The following PRKCSH variants were observed in gnomAD, a reference collection of about 807,000 sequenced individuals.
PRKCSH encodes the protein glucosidase 2 subunit beta.
PRKCSH carries 42 observed loss-of-function variants against 79.7 expected under a neutral mutation model. The ratio of observed to expected loss-of-function variants is 0.53; its 90% confidence interval spans 0.41 to 0.68. The LOEUF is 0.68. Ranked by LOEUF, PRKCSH falls within the 30% of genes least tolerant of loss-of-function variation. The pLI is 0.00. For synonymous variants in PRKCSH, 325 were observed against 288.2 expected, an observed-to-expected ratio of 1.13 and a Z score of -1.29; for missense variants, 686 against 709.0, an observed-to-expected ratio of 0.97 and a Z score of 0.37.
Position 11,441,282 on chromosome 19 carries a change from C to T in PRKCSH, c.393C>T (p.Ala131=), listed in dbSNP as rs780423740. The change falls in exon 6 of 18, where the codon GCC becomes GCT. Residue 131 remains alanine, a synonymous_variant. Transcript: ENST00000677123. Reference sequence around the variant, plus strand: ...AGAGAGAGTCCCTGCAGCAGATGGCCGAGGTCACCCGCGAAGGGTTCCGTC... The same window carrying T: ...AGAGAGAGTCCCTGCAGCAGATGGCTGAGGTCACCCGCGAAGGGTTCCGTC... ...RKERESLQQM[A]EVTREGFRLK... 6.7e-5 allele frequency: 108 copies of T among 1,613,922 alleles called. No homozygotes were observed. Among genetic ancestry groups the T allele is most frequent in the Non-Finnish European group, 8.5e-5 (100 of 1,179,994 alleles).
At chr19:11,441,765 G>T (rs1970073713) in intron 6 of PRKCSH, among the ~76,000 whole-genome samples, 2 of 152,172 alleles carry the variant, frequency 1.3e-5, no homozygotes, top group South Asian at 4.1e-4. Context: ...CATAGGGTGG[G>T]TGCTTTGGGG....
At chr19:11,446,677 C>T (rs12980244) in intron 9 of PRKCSH, among the ~76,000 whole-genome samples, 1 of 151,598 alleles carries the variant, frequency 6.6e-6, no homozygotes, top group Non-Finnish European at 1.5e-5. Flanking sequence ...TATCCTCCTC[C>T]TTCCCCGTGG....
Position 11,448,877 on chromosome 19 carries a change from C to G in PRKCSH, c.1287-37C>G. On this transcript the variant is annotated intron_variant, in intron 14 of 17. Coordinates refer to ENST00000677123, the MANE Select transcript of PRKCSH (RefSeq NM_001289104.2). This position sits in a 1 kb window ranked among gnomAD's most constrained non-coding sequence, Gnocchi z 4.4. ...TGGCTGTGGGAGGAGGCTGGAATCC[C>G]TGCGTTCCCCAACCCATATGTCCCG... 1 of 1,612,680 alleles carries G rather than the reference C, an allele frequency of 6.2e-7. No individual in the cohort carries two copies. Among genetic ancestry groups the G allele is most frequent in the Non-Finnish European group, 8.5e-7 (1 of 1,178,822 alleles).
Position 11,445,374 on chromosome 19 carries a change from G to A in PRKCSH, c.599-15G>A, listed in dbSNP as rs375031151. On this transcript the variant is annotated splice_polypyrimidine_tract_variant and intron_variant, in intron 7 of 17. Transcript: ENST00000677123. ...GGTGGGTGGGCAGGGGGTGACAGAGGTGGCTTCTTTACAGAGCAGCTGGCT... is the reference window on the plus strand; with the variant it reads ...GGTGGGTGGGCAGGGGGTGACAGAGATGGCTTCTTTACAGAGCAGCTGGCT... 1.9e-6 allele frequency: 3 copies of A among 1,613,008 alleles called. No individual in the cohort carries two copies. Among genetic ancestry groups the A allele is most frequent in the East Asian group, 4.5e-5 (2 of 44,898 alleles).
chr19:11,446,428 C>G, intron 9 of PRKCSH, 78 bp downstream of exon 9: 1 of 1,493,498 alleles, frequency 6.7e-7, no homozygotes, highest in Admixed American at 1.9e-5. Flanking sequence ...GGAGGGGGAC[C>G]AAGGAAAGCT....
chr19:11,446,854 C>T (rs1419200467), intron 9 of PRKCSH, among the ~76,000 whole-genome samples: 1 of 152,088 alleles, frequency 6.6e-6, no homozygotes, highest in Non-Finnish European at 1.5e-5. Context: ...CTTTCTGTCT[C>T]AGTGCCCCCA....
At position 11,449,650 on chromosome 19, in the gene PRKCSH, G is replaced by A; in HGVS notation, c.*16+222G>A. On this transcript the variant is annotated intron_variant, in intron 17 of 17. Coordinates refer to ENST00000677123, the MANE Select transcript of PRKCSH (RefSeq NM_001289104.2). This position sits in a 1 kb window ranked among gnomAD's most constrained non-coding sequence, Gnocchi z 6.4. ...CTCTACCTCCCGGGTTCAAACAATT[G>A]TCTTGTCTCAGCCTCCCAAGTAGCT... 1.7e-6 allele frequency: 1 copy of A among 592,940 alleles called. No homozygotes were observed. The highest frequency in any genetic ancestry group is 2.9e-6 in the Non-Finnish European group (1 of 339,114). 36.7% of individuals were successfully genotyped at this position (592,940 alleles called of 1,614,324 possible). A position where few individuals can be genotyped will look rare whatever the true frequency, so the allele number is the denominator to read the frequency against.
At position 11,449,386 on chromosome 19, in the gene PRKCSH, A is replaced by G; in HGVS notation, c.1582A>G (p.Thr528Ala). 4 of 1,613,254 alleles carry G rather than the reference A, an allele frequency of 2.5e-6. No individual in the cohort carries two copies. The highest frequency in any genetic ancestry group is 3.4e-6 in the Non-Finnish European group (4 of 1,179,914). Residue 528 changes from threonine (T) to alanine (A), a missense_variant, in exon 17 of 18, where the codon ACC (threonine) becomes GCC (alanine). Physicochemically the swap from Thr to Ala is moderately conservative, Grantham distance 58 (BLOSUM62 0). Around this residue, in one of 2 missense-constraint regions of PRKCSH, gnomAD observed 137 missense variants for 188.8 expected, o/e 0.73. Coordinates refer to ENST00000677123, the MANE Select transcript of PRKCSH (RefSeq NM_001289104.2). The surrounding 1 kb of genome is among the most constrained non-coding windows in gnomAD (Gnocchi z 6.4). ...ACPEPPPEAP[T>A]EDDHDEL Reference sequence around the variant, plus strand: ...CCCGGAGCCACCGCCTGAAGCACCCACCGAAGACGACCATGACGAGCTCTA... The same window carrying G: ...CCCGGAGCCACCGCCTGAAGCACCCGCCGAAGACGACCATGACGAGCTCTA...
Position 11,449,238 on chromosome 19 carries a change from T to G in PRKCSH, c.1462-28T>G. ...ACCCAGGCCTGGCCCAGCCGAACCC[T>G]CTCGAGCACCCGTCTGCCCATCCCC... On this transcript the variant is annotated intron_variant, in intron 16 of 17. Transcript: ENST00000677123. This position sits in a 1 kb window ranked among gnomAD's most constrained non-coding sequence, Gnocchi z 6.4. The G allele has an allele frequency of 6.2e-7, 1 of 1,613,490 alleles. No individual in the cohort carries two copies. The highest frequency in any genetic ancestry group is 8.5e-7 in the Non-Finnish European group (1 of 1,179,918).
chr19:11,437,350 GTT>G (rs1301834483), intron 3 of PRKCSH, among the ~76,000 whole-genome samples: 6 of 138,550 alleles, frequency 4.3e-5, no homozygotes, highest in Admixed American at 3.0e-4. Flanking sequence ...GTTTTGTTTT[GTT>G]TTTAATTTTT....
chr19:11,449,194 G>C lies in PRKCSH; in HGVS notation c.1461+19G>C. The C allele has an allele frequency of 6.2e-7, 1 of 1,613,628 alleles. No homozygotes were observed. Among genetic ancestry groups the C allele is most frequent in the East Asian group, 2.2e-5 (1 of 44,886 alleles). ...CACCACCGTGAGTGCCTGCAAGGCA[G>C]GGGAGCTGGGGCGGGGAGACCCAGG... On this transcript the variant is annotated intron_variant, in intron 16 of 17. Coordinates refer to ENST00000677123, the MANE Select transcript of PRKCSH (RefSeq NM_001289104.2). This position sits in a 1 kb window ranked among gnomAD's most constrained non-coding sequence, Gnocchi z 6.4.
chr19:11,436,879 A>G (rs1188614937), intron 3 of PRKCSH, among the ~76,000 whole-genome samples: 3 of 152,168 alleles, frequency 2.0e-5, no homozygotes, highest in Non-Finnish European at 4.4e-5. Flanking sequence ...TTTTGAAGAG[A>G]CAGGGTCTTG....
chr19:11,443,904 T>C (rs1970178482), intron 7 of PRKCSH, among the ~76,000 whole-genome samples: 1 of 152,034 alleles, frequency 6.6e-6, no homozygotes, highest in Non-Finnish European at 1.5e-5. Flanking sequence ...GCTTCCTGAG[T>C]AGCTGGGATT....
At chr19:11,446,215 C>CA in intron 8 of PRKCSH, 57 bp from the exon 9 acceptor site, 3 of 1,584,676 alleles carry the variant, frequency 1.9e-6, no homozygotes, top group Non-Finnish European at 2.6e-6. Flanking sequence ...ATGGTGCCCC[C>CA]AACTGAGAGC....
intron 6 of PRKCSH, 137 bp from the exon 7 acceptor site, chr19:11,442,249 C>T (rs1211402675): frequency 7.6e-7 from 1 of 1,309,578 alleles, no homozygotes; most frequent in Non-Finnish European, 1.0e-6. Context: ...GGAACCCCAG[C>T]TCGGGAGAGA....
rs542582706 is a variant in PRKCSH, at chr19:11,436,676, G to A, written c.196+171G>A. 4.7e-5 allele frequency: 30 copies of A among 643,184 alleles called. No homozygotes were observed. The African/African-American group carries it at 5.1e-4, about 11-fold the overall frequency. 39.8% of individuals were successfully genotyped at this position (643,184 alleles called of 1,614,324 possible). A position where few individuals can be genotyped will look rare whatever the true frequency, so the allele number is the denominator to read the frequency against. ...CCCCGGGCAGCTGGAGGAGCCCAGAGTCGTCCTCCTCCCAAGCCTCGGGGT... is the reference window on the plus strand; with the variant it reads ...CCCCGGGCAGCTGGAGGAGCCCAGAATCGTCCTCCTCCCAAGCCTCGGGGT... On this transcript the variant is annotated intron_variant, in intron 3 of 17. Transcript: ENST00000677123.
intron 7 of PRKCSH, 105 bp downstream of exon 7, chr19:11,442,620 G>T (rs1052960495): frequency 1.3e-6 from 2 of 1,511,160 alleles, no homozygotes; most frequent in Non-Finnish European, 1.8e-6. Context: ...GCAGGTTTTT[G>T]ATCATGCTGC....
rs748240753 is a variant in PRKCSH at position 11,437,954 on chromosome 19, T to C, written c.275T>C (p.Val92Ala). ...CCCCTGTATATCCCCTCCAACCGGG[T>C]CAACGATGGTGTTTGTGGTAAGTGA... The part of the protein sequence containing the change: ...YKPLYIPSNR[V>A]NDGVCDCCDG... The change falls in exon 4 of 18, where the codon GTC (valine) becomes GCC (alanine). Residue 92 changes from valine (V) to alanine (A), a missense_variant. Physicochemically the swap from Val to Ala is moderately conservative, Grantham distance 64. Around this residue, in one of 2 missense-constraint regions of PRKCSH, gnomAD observed 549 missense variants for 520.2 expected, o/e 1.06. Transcript: ENST00000677123. The C allele has an allele frequency of 1.4e-5, 23 of 1,613,924 alleles. No individual in the cohort carries two copies. The highest frequency in any genetic ancestry group is 1.9e-5 in the Non-Finnish European group (22 of 1,179,996).
Position 11,436,390 on chromosome 19 carries a change from T to A in PRKCSH, c.81T>A (p.Asn27Lys). The A allele has an allele frequency of 6.2e-7, 1 of 1,614,036 alleles. No individual in the cohort carries two copies. Among genetic ancestry groups the A allele is most frequent in the Non-Finnish European group, 8.5e-7 (1 of 1,179,902 alleles). Reference sequence around the variant, plus strand: ...GGCTGAGCTTCCTGTACCCCGCAGATCATCACTTCTACGATGAGTCCAAGC... The same window carrying A: ...GGCTGAGCTTCCTGTACCCCGCAGAACATCACTTCTACGATGAGTCCAAGC... The part of the protein sequence containing the change: ...VKRPRGVSLT[N>K]HHFYDESKPF... Residue 27 changes from asparagine (N) to lysine (K), a missense_variant and splice_region_variant, in exon 3 of 18, where the codon AAT (asparagine) becomes AAA (lysine). Transcript: ENST00000677123.
Sources: allele counts gnomAD v4.1 joint callset (sites outside exome capture counted in the v4.1 genomes callset), GRCh38; gene constraint gnomAD v4.1.1; regional missense constraint gnomAD v4.1.1; non-coding constraint Gnocchi (gnomAD v3.1); transcripts MANE v1.5; gene names NCBI Gene and HGNC (gene_info 2026-07-23, HGNC 2026-07-21).